The following FER variants were observed in gnomAD, a reference collection of about 807,000 sequenced individuals.
FER encodes tyrosine-protein kinase Fer.
Under a neutral mutation model 111.0 loss-of-function variants are expected in FER, and 63 were observed. That is an observed-to-expected ratio of 0.57 (90% CI 0.46 to 0.70). The LOEUF is 0.70. Ranked by LOEUF, FER falls within the 30% of genes least tolerant of loss-of-function variation. The probability of loss-of-function intolerance (pLI) is 0.00; values close to 1 mark genes in which losing one functional copy is unlikely to be tolerated. For missense variants in FER, 914 were observed against 954.0 expected (o/e 0.96, Z 0.55); for synonymous variants, 327 against 313.9 (o/e 1.04, Z -0.44).
chr5:108,763,185 G>A (rs542228573), intron 1 of FER, among the ~76,000 whole-genome samples: 6 of 152,228 alleles, frequency 3.9e-5, no homozygotes, highest in East Asian at 1.9e-4. Flanking sequence ...GTTGCCTCAC[G>A]TAACCATTAA....
chr5:109,033,386 C>T (rs1320189440), intron 13 of FER, among the ~76,000 whole-genome samples: 1 of 152,072 alleles, frequency 6.6e-6, no homozygotes, highest in Non-Finnish European at 1.5e-5. Context: ...GCCATATCTT[C>T]TGAGTGTGAC....
intron 17 of FER, among the ~76,000 whole-genome samples, chr5:109,145,912 T>C (rs1754045672): frequency 6.6e-6 from 1 of 151,370 alleles, no homozygotes; most frequent in South Asian, 2.1e-4. Flanking sequence ...ATTTATAAGC[T>C]GTATGTTATT....
chr5:109,127,335 C>G (rs1050034575), intron 17 of FER, among the ~76,000 whole-genome samples: 3 of 152,146 alleles, frequency 2.0e-5, no homozygotes, highest in Admixed American at 6.5e-5. Context: ...TTTATTACCT[C>G]AAATAACTAT....
At chr5:108,768,578 G>A (rs923915936) in intron 2 of FER, among the ~76,000 whole-genome samples, 1 of 152,048 alleles carries the variant, frequency 6.6e-6, no homozygotes, top group Non-Finnish European at 1.5e-5. Context: ...TCAAATACTT[G>A]CACTTTGTTC....
At position 108,792,130 on chromosome 5, in the gene FER, C is replaced by T. The variant is rs535008309; in HGVS notation, c.-59-5994C>T. Among the ~76,000 whole-genome samples, 19 of 152,240 alleles carry T rather than the reference C, an allele frequency of 1.2e-4. 1 individual carries two copies. The highest frequency in any genetic ancestry group is 3.4e-3 in the Middle Eastern group (1 of 294). On this transcript the variant is annotated intron_variant, in intron 2 of 19. Coordinates refer to ENST00000281092, the MANE Select transcript of FER (RefSeq NM_005246.4). Reference sequence around the variant, plus strand: ...TCAGAAAGTGTGAATCTTCCAACTTCGTGCCTCTTTTCAAGTTATTTCATG... The same window carrying T: ...TCAGAAAGTGTGAATCTTCCAACTTTGTGCCTCTTTTCAAGTTATTTCATG...
chr5:109,009,070 C>T (rs1488382428), intron 13 of FER, among the ~76,000 whole-genome samples: 2 of 83,020 alleles, frequency 2.4e-5, no homozygotes, highest in East Asian at 3.2e-4. Flanking sequence ...TTTTTTGAAA[C>T]GGAGTCTCAC....
intron 12 of FER, among the ~76,000 whole-genome samples, chr5:108,957,358 G>A (rs1006102458): frequency 6.6e-6 from 1 of 151,354 alleles, no homozygotes; most frequent in African/African-American, 2.4e-5. Flanking sequence ...AAAATGCTCA[G>A]TATCACTGAT....
At chr5:109,044,037 A>G (rs1018334734) in intron 14 of FER, among the ~76,000 whole-genome samples, 34 of 152,082 alleles carry the variant, frequency 2.2e-4, no homozygotes, top group Non-Finnish European at 2.5e-4. Context: ...TATGCAGTGT[A>G]AAAAAACCTA....
rs936508805 is a variant in FER, at chr5:109,135,842, T to C, written c.2048+35323T>C. 4.6e-5 allele frequency among the ~76,000 whole-genome samples: 7 copies of C among 152,272 alleles called. No individual in the cohort carries two copies. The South Asian group carries it at 1.5e-3, about 32-fold the overall frequency. ...CTGCTACTATAAGGTGAAGTTCTAATAACCAGCGCTCAAAAACAGAAAAGA... is the reference window on the plus strand; with the variant it reads ...CTGCTACTATAAGGTGAAGTTCTAACAACCAGCGCTCAAAAACAGAAAAGA... On this transcript the variant is annotated intron_variant, in intron 17 of 19. Transcript: ENST00000281092.
intron 1 of FER, among the ~76,000 whole-genome samples, chr5:108,759,203 C>T (rs1751445716): frequency 6.6e-6 from 1 of 152,194 alleles, no homozygotes; most frequent in Non-Finnish European, 1.5e-5. Context: ...TACTTCATCA[C>T]TCTTAAGTTC....
chr5:108,807,014 C>T (rs1308184506), intron 3 of FER, among the ~76,000 whole-genome samples: 1 of 152,088 alleles, frequency 6.6e-6, no homozygotes, highest in African/African-American at 2.4e-5. Context: ...AATTTTAACT[C>T]CCACAATTCC....
intron 2 of FER, among the ~76,000 whole-genome samples, chr5:108,776,375 C>G (rs973781088): frequency 6.6e-6 from 1 of 151,948 alleles, no homozygotes; most frequent in Non-Finnish European, 1.5e-5. Context: ...TAAATTGCCC[C>G]TACAATTTAG....
intron 17 of FER, among the ~76,000 whole-genome samples, chr5:109,122,482 T>C (rs992125381): frequency 2.0e-5 from 3 of 151,830 alleles, no homozygotes; most frequent in Non-Finnish European, 4.4e-5. Flanking sequence ...TTTTGCTTCC[T>C]AATTTATGGT....
intron 10 of FER, among the ~76,000 whole-genome samples, chr5:108,902,424 A>G (rs1750167086): frequency 1.3e-5 from 2 of 152,194 alleles, no homozygotes; most frequent in Admixed American, 1.3e-4. Flanking sequence ...TGGGATGTTA[A>G]GAAGTGTACC....
chr5:108,788,024 C>T (rs1039067351), intron 2 of FER, among the ~76,000 whole-genome samples: 4 of 152,196 alleles, frequency 2.6e-5, no homozygotes, highest in South Asian at 2.1e-4. Context: ...CACTACGCTG[C>T]GTGCAACGAG....
intron 17 of FER, among the ~76,000 whole-genome samples, chr5:109,104,936 G>A (rs1021243445): frequency 6.6e-6 from 1 of 151,836 alleles, no homozygotes; most frequent in Non-Finnish European, 1.5e-5. Context: ...GTAGAGACAG[G>A]GTTTCACCAT....
chr5:108,953,539 T>C (rs1266456051), intron 11 of FER, among the ~76,000 whole-genome samples: 2 of 152,136 alleles, frequency 1.3e-5, no homozygotes, highest in African/African-American at 4.8e-5. Flanking sequence ...TTTTGTTCTT[T>C]TAACCAACAG....
intron 3 of FER, among the ~76,000 whole-genome samples, chr5:108,817,858 A>G (rs1561463073): frequency 6.6e-6 from 1 of 152,136 alleles, no homozygotes; most frequent in Non-Finnish European, 1.5e-5. Flanking sequence ...TACTTTCTTT[A>G]TATCATGTAT....
chr5:109,010,863 G>C (rs1415146511), intron 13 of FER, among the ~76,000 whole-genome samples: 1 of 152,044 alleles, frequency 6.6e-6, no homozygotes, highest in Non-Finnish European at 1.5e-5. Context: ...CAGTGTTTTT[G>C]AGTTTTGAAT....
Sources: gnomAD v4.1 joint callset for allele counts (sites outside exome capture counted in the v4.1 genomes callset) on GRCh38, gnomAD v4.1.1 for gene constraint, MANE v1.5 for transcripts, NCBI Gene and HGNC (gene_info 2026-07-23, HGNC 2026-07-21) for gene names.